BICC1: variants seen among roughly 807,000 people sequenced by gnomAD.
BICC1 encodes protein bicaudal C homolog 1.
A neutral mutation model predicts 111.0 loss-of-function variants in BICC1; 43 were observed. The ratio of observed to expected loss-of-function variants is 0.39; its 90% confidence interval spans 0.30 to 0.50. BICC1 has a LOEUF of 0.50. Among genes scored for constraint, BICC1 ranks in the 20% least tolerant of loss-of-function variants. The pLI, the probability that BICC1 is intolerant of heterozygous loss-of-function variation, is 0.88. For missense variants in BICC1, 1,091 were observed against 1,203.2 expected (o/e 0.91, Z 1.38); for synonymous variants, 467 against 434.4 (o/e 1.07, Z -0.93).
At chr10:58,713,386 TATTG>T (rs1424132847) in intron 3 of BICC1, among the ~76,000 whole-genome samples, 2 of 152,186 alleles carry the variant, frequency 1.3e-5, no homozygotes, top group South Asian at 2.1e-4. Flanking sequence ...AAGGAGAAAA[TATTG>T]ATTATTTACC....
At chr10:58,810,467 C>CT (rs1245817763) in intron 17 of BICC1, among the ~76,000 whole-genome samples, 2 of 146,568 alleles carry the variant, frequency 1.4e-5, no homozygotes, top group Non-Finnish European at 3.0e-5. Context: ...TTTTTTTTTT[C>CT]TTTTTTGTGA....
rs1302641998 is a variant in BICC1 at position 58,741,398 on chromosome 10, T to G, written c.307+39255T>G. 3.9e-5 allele frequency among the ~76,000 whole-genome samples: 6 copies of G among 152,140 alleles called. No individual in the cohort carries two copies. In the East Asian group the frequency reaches 9.6e-4, roughly 24 times the overall value. ...TGACTGATTTTTTCGGGGGAAGAAA[T>G]ATTAATACATTTCTCAAATAAGGAT... On this transcript the variant is annotated intron_variant, in intron 3 of 20. Transcript: ENST00000373886.
intron 9 of BICC1, among the ~76,000 whole-genome samples, chr10:58,794,233 AT>A (rs1368143447): frequency 2.7e-5 from 4 of 148,754 alleles, no homozygotes; most frequent in African/African-American, 1.0e-4. Context: ...TAATTCAGAA[AT>A]TGTTTAGACT....
At chr10:58,566,606 T>G (rs1157206776) in intron 1 of BICC1, among the ~76,000 whole-genome samples, 2 of 152,206 alleles carry the variant, frequency 1.3e-5, no homozygotes, top group Non-Finnish European at 2.9e-5. Context: ...TGTGCTAGTT[T>G]AAATTCCCAT....
chr10:58,698,245 G>T (rs569062003), intron 2 of BICC1, among the ~76,000 whole-genome samples: 20 of 152,246 alleles, frequency 1.3e-4, no homozygotes, highest in African/African-American at 4.3e-4. Context: ...GTGCACAGCC[G>T]TAGGACAGTG....
chr10:58,679,360 A>G (rs1839443170), intron 2 of BICC1, among the ~76,000 whole-genome samples: 1 of 152,224 alleles, frequency 6.6e-6, no homozygotes, highest in African/African-American at 2.4e-5. Context: ...GGATCTCACT[A>G]CTGATTGCAC....
At chr10:58,516,992 ACTTTT>A (rs906002386) in intron 1 of BICC1, among the ~76,000 whole-genome samples, 26 of 152,190 alleles carry the variant, frequency 1.7e-4, no homozygotes, top group African/African-American at 5.8e-4. Flanking sequence ...CTATATTAAT[ACTTTT>A]CTTTTTTAAA....
intron 2 of BICC1, among the ~76,000 whole-genome samples, chr10:58,639,544 C>G (rs1411464018): frequency 1.4e-5 from 2 of 148,038 alleles, no homozygotes; most frequent in African/African-American, 5.0e-5. Flanking sequence ...ATTACAGGCG[C>G]CTGCCACCAC....
At position 58,820,570 on chromosome 10, in the gene BICC1, C is replaced by T. The variant is rs1233294983; in HGVS notation, c.2794+102C>T. The stretch of plus-strand genomic sequence containing the variant: ...ACCCATTAACTGCTGGCTTACTAAC[C>T]TAACACCTTGGTTGTGGTTTCAGAG... On this transcript the variant is annotated intron_variant, in intron 20 of 20. Coordinates refer to ENST00000373886, the MANE Select transcript of BICC1 (RefSeq NM_001080512.3). 5.2e-6 allele frequency: 4 copies of T among 775,886 alleles called. No individual in the cohort carries two copies. The African/African-American group carries it at 6.8e-5, about 13-fold the overall frequency. The allele number at this position is 775,886 out of a possible 1,614,324, so 48.1% of individuals were successfully genotyped here.
At chr10:58,606,184 C>G in intron 1 of BICC1, among the ~76,000 whole-genome samples, 1 of 152,158 alleles carries the variant, frequency 6.6e-6, no homozygotes, top group Non-Finnish European at 1.5e-5. Context: ...TTTCTCCTCA[C>G]TCTTTTCTAT....
At chr10:58,774,522 A>G (rs1842700028) in intron 3 of BICC1, among the ~76,000 whole-genome samples, 2 of 152,242 alleles carry the variant, frequency 1.3e-5, no homozygotes, top group African/African-American at 4.8e-5. Context: ...GTTGTTCATA[A>G]TGGAAAATAC....
chr10:58,806,934 C>T, intron 16 of BICC1, 70 bp from the exon 17 acceptor site: 1 of 1,387,770 alleles, frequency 7.2e-7, no homozygotes, highest in Non-Finnish European at 9.9e-7. Context: ...AGAAACGACA[C>T]TTATCATCAG....
At chr10:58,635,010 G>A (rs1464397253) in intron 2 of BICC1, among the ~76,000 whole-genome samples, 1 of 152,076 alleles carries the variant, frequency 6.6e-6, no homozygotes, top group Non-Finnish European at 1.5e-5. Context: ...TCTCAGGGGT[G>A]GCAGAGGCAA....
At chr10:58,718,779 CGCGCGT>C (rs1343883764) in intron 3 of BICC1, among the ~76,000 whole-genome samples, 1 of 130,108 alleles carries the variant, frequency 7.7e-6, no homozygotes, top group African/African-American at 3.1e-5. Context: ...CGCGCGCGTG[CGCGCGT>C]GCGCACGCCC....
intron 2 of BICC1, among the ~76,000 whole-genome samples, chr10:58,691,029 T>C (rs1387793261): frequency 6.6e-6 from 1 of 152,222 alleles, no homozygotes; most frequent in Admixed American, 6.5e-5. Context: ...ACATATTTAA[T>C]GTATACAACT....
At chr10:58,515,537 A>G (rs925168216) in intron 1 of BICC1, among the ~76,000 whole-genome samples, 2 of 152,204 alleles carry the variant, frequency 1.3e-5, no homozygotes, top group African/African-American at 4.8e-5. Context: ...GTAATGTGTT[A>G]TGTTACTATG....
At chr10:58,740,191 G>C (rs557585590) in intron 3 of BICC1, among the ~76,000 whole-genome samples, 35 of 152,296 alleles carry the variant, frequency 2.3e-4, no homozygotes, top group African/African-American at 7.7e-4. Context: ...GGGAATGGTA[G>C]CTATTACTAT....
At chr10:58,564,475 A>G (rs1843697350) in intron 1 of BICC1, among the ~76,000 whole-genome samples, 1 of 152,240 alleles carries the variant, frequency 6.6e-6, no homozygotes, top group Non-Finnish European at 1.5e-5. Context: ...CAGTGAGATC[A>G]CTGTAAGCTG....
chr10:58,621,638 G>T (rs975805436), intron 2 of BICC1, among the ~76,000 whole-genome samples: 1 of 152,030 alleles, frequency 6.6e-6, no homozygotes, highest in Non-Finnish European at 1.5e-5. Flanking sequence ...GGGCATGGTG[G>T]TGTGTGCCTA....
Sources: allele counts gnomAD v4.1 joint callset (sites outside exome capture counted in the v4.1 genomes callset), GRCh38; gene constraint gnomAD v4.1.1; transcripts MANE v1.5; gene names NCBI Gene and HGNC (gene_info 2026-07-23, HGNC 2026-07-21).